MYO3B: variants seen among roughly 807,000 people sequenced by gnomAD.
MYO3B encodes myosin-IIIb.
Under a neutral mutation model 174.6 loss-of-function variants are expected in MYO3B, and 156 were observed. That is an observed-to-expected ratio of 0.89 (90% CI 0.78 to 1.02). The LOEUF is 1.02. Among genes scored for constraint, MYO3B ranks in the 50% least tolerant of loss-of-function variants. MYO3B has a pLI of 0.00. For missense variants in MYO3B, 1,632 were observed against 1,639.4 expected (o/e 1.00, Z 0.08); for synonymous variants, 563 against 569.1 (o/e 0.99, Z 0.15).
intron 7 of MYO3B, among the ~76,000 whole-genome samples, chr2:170,301,837 C>T (rs952782165): frequency 1.4e-5 from 2 of 143,288 alleles, no homozygotes; most frequent in Non-Finnish European, 3.0e-5. Context: ...CTACAGGAAA[C>T]GAGCGACATA....
intron 7 of MYO3B, among the ~76,000 whole-genome samples, chr2:170,273,766 T>C (rs1323415630): frequency 6.6e-6 from 1 of 151,980 alleles, no homozygotes; most frequent in Non-Finnish European, 1.5e-5. Context: ...AATTATCACA[T>C]AAAGTTGGTC....
At chr2:170,598,463 T>TTG (rs1299183944) in intron 32 of MYO3B, among the ~76,000 whole-genome samples, 1 of 152,250 alleles carries the variant, frequency 6.6e-6, no homozygotes, top group Non-Finnish European at 1.5e-5. Flanking sequence ...ATCATTTATT[T>TTG]TGTGTGCAAC....
rs145084573 is a variant in MYO3B, at chr2:170,237,076, A to G, written c.749+940A>G. ...CAGATGTGAACAACCACCAACCACTATTCCAAAAATGATTCCCACCCAAGC... is the reference window on the plus strand; with the variant it reads ...CAGATGTGAACAACCACCAACCACTGTTCCAAAAATGATTCCCACCCAAGC... On this transcript the variant is annotated intron_variant, in intron 7 of 34. Coordinates refer to ENST00000408978, the MANE Select transcript of MYO3B (RefSeq NM_138995.5). Among the ~76,000 whole-genome samples the G allele has an allele frequency of 6.7e-3, 1,021 of 152,340 alleles. 12 individuals carry two copies. Among genetic ancestry groups the G allele is most frequent in the African/African-American group, 0.021 (877 of 41,578 alleles).
chr2:170,240,981 C>G (rs1265570101), intron 7 of MYO3B, among the ~76,000 whole-genome samples: 1 of 152,176 alleles, frequency 6.6e-6, no homozygotes, highest in Non-Finnish European at 1.5e-5. Flanking sequence ...AAAAATACTT[C>G]AGGATATCTT....
chr2:170,581,809 A>G (rs1331726545), intron 32 of MYO3B, among the ~76,000 whole-genome samples: 3 of 152,216 alleles, frequency 2.0e-5, no homozygotes, highest in African/African-American at 7.2e-5. Context: ...ATATACAATA[A>G]TAACATCACA....
chr2:170,300,868 A>G (rs1279372857), intron 7 of MYO3B, among the ~76,000 whole-genome samples: 1 of 152,276 alleles, frequency 6.6e-6, no homozygotes, highest in South Asian at 2.1e-4. Context: ...ATTTTCCCCC[A>G]TCTCAAAATT....
intron 8 of MYO3B, chr2:170,349,653 G>T (rs2094045676): frequency 1.3e-5 from 2 of 151,896 alleles, no homozygotes; most frequent in Admixed American, 1.3e-4. Flanking sequence ...GCAAAAATTA[G>T]CCGGGCATGG....
Position 170,613,351 on chromosome 2 carries a change from T to G in MYO3B, c.3734-38277T>G, listed in dbSNP as rs139354127. On this transcript the variant is annotated intron_variant, in intron 32 of 34. Coordinates refer to ENST00000408978, the MANE Select transcript of MYO3B (RefSeq NM_138995.5). ...AGAAGAGGTTGTTCCATTTGATATC[T>G]TAAGTCTATGTTGAACTCTGACGCA... Among the ~76,000 whole-genome samples the G allele has an allele frequency of 7.9e-5, 12 of 152,330 alleles. No homozygotes were observed. The East Asian group carries it at 2.3e-3, about 29-fold the overall frequency.
intron 30 of MYO3B, among the ~76,000 whole-genome samples, chr2:170,525,870 G>T (rs1688967981): frequency 6.6e-6 from 1 of 152,084 alleles, no homozygotes; most frequent in East Asian, 1.9e-4. Context: ...GTGTGTGAGG[G>T]GTCACGGCAG....
At chr2:170,361,071 G>T (rs777113278) in intron 8 of MYO3B, among the ~76,000 whole-genome samples, 15 of 152,200 alleles carry the variant, frequency 9.9e-5, no homozygotes, top group Admixed American at 2.0e-4. Context: ...CTGACTGACT[G>T]TATACCCAGC....
chr2:170,592,812 T>A (rs1197573464), intron 32 of MYO3B, among the ~76,000 whole-genome samples: 1 of 152,154 alleles, frequency 6.6e-6, no homozygotes, highest in East Asian at 1.9e-4. Flanking sequence ...CTAGGGGGTC[T>A]TACCATCTCT....
At chr2:170,262,753 G>C (rs1362014063) in intron 7 of MYO3B, among the ~76,000 whole-genome samples, 4 of 152,064 alleles carry the variant, frequency 2.6e-5, no homozygotes, top group Non-Finnish European at 5.9e-5. Context: ...CCCTGTTCAG[G>C]TTGCTACTCT....
chr2:170,523,242 C>T (rs190106299), intron 30 of MYO3B, among the ~76,000 whole-genome samples: 134 of 152,320 alleles, frequency 8.8e-4, no homozygotes, highest in African/African-American at 3.0e-3. Context: ...ACTTTCAAAG[C>T]CACTTCTCAG....
chr2:170,490,389 G>C (rs746219204), intron 25 of MYO3B, among the ~76,000 whole-genome samples: 10 of 152,118 alleles, frequency 6.6e-5, no homozygotes, highest in Non-Finnish European at 1.5e-4. Flanking sequence ...TTTGTATATT[G>C]ATCTTTATCC....
chr2:170,525,807 A>G (rs543014479), intron 30 of MYO3B, among the ~76,000 whole-genome samples: 7 of 152,352 alleles, frequency 4.6e-5, no homozygotes, highest in African/African-American at 1.7e-4. Context: ...ACTGTGGGCC[A>G]GATTTTCATG....
At chr2:170,412,970 C>A (rs10930427) in intron 22 of MYO3B, among the ~76,000 whole-genome samples, 36,412 of 151,902 alleles carry the variant, frequency 0.24, 5,207 homozygotes, top group Non-Finnish European at 0.32. Context: ...TATTGAGAAT[C>A]TGTCTAGATA....
At chr2:170,348,760 G>A (rs2094037844) in intron 8 of MYO3B, 1 of 152,154 alleles carries the variant, frequency 6.6e-6, no homozygotes, top group African/African-American at 2.4e-5. Context: ...TGATGCATGA[G>A]GCCAAAGCGC....
At chr2:170,440,033 G>A (rs564602388) in intron 22 of MYO3B, among the ~76,000 whole-genome samples, 13 of 152,272 alleles carry the variant, frequency 8.5e-5, no homozygotes, top group African/African-American at 3.1e-4. Context: ...TGATTTTTGT[G>A]TATGGTATAA....
At chr2:170,299,707 T>C (rs759124504) in intron 7 of MYO3B, among the ~76,000 whole-genome samples, 1 of 152,244 alleles carries the variant, frequency 6.6e-6, no homozygotes, top group Non-Finnish European at 1.5e-5. Flanking sequence ...CAGTCTAGCT[T>C]TCATTATTTT....
Sources: gnomAD v4.1 joint callset for allele counts (sites outside exome capture counted in the v4.1 genomes callset) on GRCh38, gnomAD v4.1.1 for gene constraint, MANE v1.5 for transcripts, NCBI Gene and HGNC (gene_info 2026-07-23, HGNC 2026-07-21) for gene names.